The following CADPS2 variants were observed in gnomAD, a reference collection of about 807,000 sequenced individuals.
The protein encoded by CADPS2 is calcium-dependent secretion activator 2.
Under a neutral mutation model 172.5 loss-of-function variants are expected in CADPS2, and 93 were observed. The observed-to-expected ratio is 0.54, with a 90% CI of 0.46 to 0.64. The LOEUF is 0.64. Among genes scored for constraint, CADPS2 ranks in the 30% least tolerant of loss-of-function variants. The probability of loss-of-function intolerance (pLI) is 0.00; values close to 1 mark genes in which losing one functional copy is unlikely to be tolerated. For missense variants in CADPS2, 1,420 were observed against 1,565.9 expected (o/e 0.91, Z 1.57); for synonymous variants, 546 against 555.2 (o/e 0.98, Z 0.23).
At chr7:122,833,671 C>G (rs950552850) in intron 1 of CADPS2, among the ~76,000 whole-genome samples, 10 of 152,108 alleles carry the variant, frequency 6.6e-5, no homozygotes, top group Admixed American at 5.9e-4. Flanking sequence ...GCTGGGGTTA[C>G]AGACATGAGC....
At chr7:122,457,187 A>T (rs2053887553) in intron 14 of CADPS2, among the ~76,000 whole-genome samples, 1 of 152,188 alleles carries the variant, frequency 6.6e-6, no homozygotes. Context: ...TATCTAAGAG[A>T]AAAAGGGTAC....
intron 2 of CADPS2, among the ~76,000 whole-genome samples, chr7:122,693,924 A>C (rs1235330649): frequency 6.6e-6 from 1 of 152,220 alleles, no homozygotes; most frequent in African/African-American, 2.4e-5. Flanking sequence ...AGATCGTGCC[A>C]CTGCACTCCA....
chr7:122,472,314 A>AG (rs1347243632), intron 13 of CADPS2, among the ~76,000 whole-genome samples: 2 of 151,910 alleles, frequency 1.3e-5, no homozygotes, highest in East Asian at 3.9e-4. Flanking sequence ...AAGAGAAATA[A>AG]AGAATAATGA....
At chr7:122,520,377 T>C (rs140237671) in intron 8 of CADPS2, among the ~76,000 whole-genome samples, 1 of 152,154 alleles carries the variant, frequency 6.6e-6, no homozygotes, top group African/African-American at 2.4e-5. Context: ...TGTAATATTC[T>C]GATTTCTTTT....
At chr7:122,852,745 T>A (rs1814028447) in intron 1 of CADPS2, among the ~76,000 whole-genome samples, 1 of 152,118 alleles carries the variant, frequency 6.6e-6, no homozygotes, top group Admixed American at 6.5e-5. Flanking sequence ...GGGTCTGGTG[T>A]GCCACTATAA....
At chr7:122,427,152 TTTC>T (rs1228218852) in intron 17 of CADPS2, 2 of 147,978 alleles carry the variant, frequency 1.4e-5, no homozygotes, top group East Asian at 2.0e-4. Flanking sequence ...GTTTTAACTT[TTTC>T]TTTTTTCTTT....
chr7:122,630,000 C>T (rs955453581), intron 3 of CADPS2, among the ~76,000 whole-genome samples: 3 of 152,104 alleles, frequency 2.0e-5, no homozygotes, highest in Admixed American at 1.3e-4. Flanking sequence ...TAATCCTTAA[C>T]TTTTTCTATA....
chr7:122,381,065 T>C (rs1308483305), intron 24 of CADPS2, among the ~76,000 whole-genome samples: 1 of 152,032 alleles, frequency 6.6e-6, no homozygotes, highest in Admixed American at 6.6e-5. Context: ...CATGAACATA[T>C]CTGAGACCAG....
At chr7:122,814,945 C>T (rs1462373624) in intron 1 of CADPS2, among the ~76,000 whole-genome samples, 1 of 152,044 alleles carries the variant, frequency 6.6e-6, no homozygotes, top group Non-Finnish European at 1.5e-5. Context: ...GCTCTGTTTA[C>T]TATAACAAGC....
intron 3 of CADPS2, among the ~76,000 whole-genome samples, chr7:122,652,576 C>T (rs980111608): frequency 3.3e-5 from 5 of 152,146 alleles, no homozygotes; most frequent in African/African-American, 1.2e-4. Flanking sequence ...TTCCTTCACT[C>T]CTGTTCCTTT....
chr7:122,443,710 CAAAAAAAA>C (rs56137420), intron 15 of CADPS2, among the ~76,000 whole-genome samples: 24 of 57,858 alleles, frequency 4.1e-4, no homozygotes, highest in Admixed American at 3.1e-3. Flanking sequence ...CTGCTTTCTA[CAAAAAAAA>C]AAAAAAAAAA....
rs190523108 is a variant in CADPS2, at chr7:122,483,995, T to C, written c.1853-3135A>G. On this transcript the variant is annotated intron_variant, in intron 11 of 29. Coordinates refer to ENST00000449022, the MANE Select transcript of CADPS2 (RefSeq NM_017954.11). ...TGAAGTGATACATGGTATTCACAGA[T>C]TGGAAGACTCAATATTAAGAAGTCA... 1.8e-3 allele frequency among the ~76,000 whole-genome samples: 277 copies of C among 152,252 alleles called. 2 individuals carry two copies. Among genetic ancestry groups the C allele is most frequent in the African/African-American group, 6.2e-3 (257 of 41,574 alleles).
chr7:122,564,836 TACACACACATGCACAC>T (rs937794843), intron 7 of CADPS2, among the ~76,000 whole-genome samples: 4 of 107,280 alleles, frequency 3.7e-5, no homozygotes, highest in African/African-American at 1.1e-4. Flanking sequence ...GACACACACA[TACACACACATGCACAC>T]ACACACACAC....
intron 1 of CADPS2, among the ~76,000 whole-genome samples, chr7:122,815,858 C>T (rs750966867): frequency 2.0e-5 from 3 of 151,782 alleles, no homozygotes; most frequent in Non-Finnish European, 2.9e-5. Flanking sequence ...TCTGCTTTCT[C>T]GAAGGTTAAT....
rs1046198096 is a variant in CADPS2, at chr7:122,420,153, T to C, written c.2477-3989A>G. Reference sequence around the variant, plus strand: ...AATATTACAATGACTTGAATTACTATAATTCTTTTTCATTTTCAACTTTCT... The same window carrying C: ...AATATTACAATGACTTGAATTACTACAATTCTTTTTCATTTTCAACTTTCT... On this transcript the variant is annotated intron_variant, in intron 17 of 29. Coordinates refer to ENST00000449022, the MANE Select transcript of CADPS2 (RefSeq NM_017954.11). 3.3e-5 allele frequency among the ~76,000 whole-genome samples: 5 copies of C among 152,192 alleles called. No homozygotes were observed. The South Asian group carries it at 6.2e-4, about 19-fold the overall frequency.
At chr7:122,470,764 A>G (rs7776990) in intron 14 of CADPS2, among the ~76,000 whole-genome samples, 1,899 of 152,182 alleles carry the variant, frequency 0.012, 47 homozygotes, top group African/African-American at 0.04. Context: ...TCAAAGTGCT[A>G]AGATTACAGG....
At chr7:122,525,418 T>C (rs745546775) in intron 8 of CADPS2, among the ~76,000 whole-genome samples, 3 of 152,218 alleles carry the variant, frequency 2.0e-5, no homozygotes, top group Non-Finnish European at 4.4e-5. Flanking sequence ...ACGAAAACTA[T>C]GTCACTTGAA....
intron 24 of CADPS2, among the ~76,000 whole-genome samples, chr7:122,383,101 A>C (rs999166584): frequency 1.3e-5 from 2 of 152,164 alleles, no homozygotes; most frequent in African/African-American, 4.8e-5. Flanking sequence ...TCAATGGTAG[A>C]CCAGATAAAG....
At chr7:122,775,517 C>CA (rs1231817931) in intron 1 of CADPS2, among the ~76,000 whole-genome samples, 15 of 152,196 alleles carry the variant, frequency 9.9e-5, no homozygotes, top group Non-Finnish European at 1.0e-4. Context: ...CAAATCTACC[C>CA]AAACTTTGCC....
Sources: allele counts gnomAD v4.1 joint callset (sites outside exome capture counted in the v4.1 genomes callset), GRCh38; gene constraint gnomAD v4.1.1; transcripts MANE v1.5; gene names NCBI Gene and HGNC (gene_info 2026-07-23, HGNC 2026-07-21).